NALF1: variants seen among roughly 807,000 people sequenced by gnomAD.
The protein encoded by NALF1 is NALCN channel auxiliary factor 1.
In NALF1, 3 loss-of-function variants were observed where a neutral mutation model predicts 48.4. The observed-to-expected ratio is 0.06, with a 90% CI of 0.03 to 0.16. The LOEUF (loss-of-function observed/expected upper bound fraction) is 0.16. Ranked by LOEUF, NALF1 falls within the 10% of genes least tolerant of loss-of-function variation. NALF1 has a pLI of 1.00. For missense variants in NALF1, 526 were observed against 571.5 expected (o/e 0.92, Z 0.81); for synonymous variants, 262 against 245.7 (o/e 1.07, Z -0.62).
At chr13:107,688,190 C>T (rs1483164233) in intron 1 of NALF1, among the ~76,000 whole-genome samples, 1 of 152,078 alleles carries the variant, frequency 6.6e-6, no homozygotes, top group East Asian at 1.9e-4. Context: ...TTATTATGTG[C>T]ACTTTATGGC....
At chr13:107,411,609 T>C (rs1215195394) in intron 1 of NALF1, among the ~76,000 whole-genome samples, 1 of 152,138 alleles carries the variant, frequency 6.6e-6, no homozygotes. Flanking sequence ...TGTCGTACTC[T>C]TCACCATGCT....
intron 1 of NALF1, among the ~76,000 whole-genome samples, chr13:107,801,829 C>G (rs1479792252): frequency 6.6e-6 from 1 of 151,928 alleles, no homozygotes; most frequent in Non-Finnish European, 1.5e-5. Flanking sequence ...TCCGAGTCGC[C>G]TTCTTCCTTC....
chr13:107,220,453 A>G (rs962898578), intron 1 of NALF1, among the ~76,000 whole-genome samples: 2 of 152,232 alleles, frequency 1.3e-5, no homozygotes, highest in African/African-American at 4.8e-5. Flanking sequence ...AAAAAGTCAG[A>G]GTGAACACTT....
chr13:107,726,309 G>C (rs914861440), intron 1 of NALF1, among the ~76,000 whole-genome samples: 2 of 152,164 alleles, frequency 1.3e-5, no homozygotes, highest in Non-Finnish European at 2.9e-5. Context: ...ACAAGATGAA[G>C]TGGGACTTAC....
chr13:107,314,545 T>A (rs1399742501), intron 1 of NALF1, among the ~76,000 whole-genome samples: 1 of 152,154 alleles, frequency 6.6e-6, no homozygotes, highest in African/African-American at 2.4e-5. Context: ...TCCTCATACA[T>A]GACCCTCCCT....
chr13:107,386,840 T>C (rs1238373675), intron 1 of NALF1, among the ~76,000 whole-genome samples: 2 of 152,158 alleles, frequency 1.3e-5, no homozygotes, highest in Non-Finnish European at 2.9e-5. Flanking sequence ...TTATATAAGA[T>C]GATGGATATT....
At chr13:107,546,545 CA>C (rs1175101613) in intron 1 of NALF1, among the ~76,000 whole-genome samples, 1 of 152,070 alleles carries the variant, frequency 6.6e-6, no homozygotes, top group African/African-American at 2.4e-5. Context: ...TTCCAGGGGG[CA>C]AAAGAGCTCG....
chr13:107,354,564 C>T (rs2138948257), intron 1 of NALF1, among the ~76,000 whole-genome samples: 1 of 152,222 alleles, frequency 6.6e-6, no homozygotes, highest in Non-Finnish European at 1.5e-5. Context: ...ACCAGGTCCG[C>T]CCCCGAACAA....
intron 1 of NALF1, among the ~76,000 whole-genome samples, chr13:107,480,606 G>C (rs1283424058): frequency 6.6e-6 from 1 of 152,058 alleles, no homozygotes; most frequent in African/African-American, 2.4e-5. Context: ...CCCCCAAAAA[G>C]TCTCATAATG....
chr13:107,222,601 C>T (rs757192157), intron 1 of NALF1, among the ~76,000 whole-genome samples: 11 of 152,184 alleles, frequency 7.2e-5, no homozygotes, highest in East Asian at 1.9e-4. Context: ...AGTTAAACAG[C>T]GATTGTCAAC....
intron 1 of NALF1, among the ~76,000 whole-genome samples, chr13:107,786,773 T>C (rs1878087886): frequency 6.6e-6 from 1 of 152,090 alleles, no homozygotes; most frequent in Non-Finnish European, 1.5e-5. Flanking sequence ...AGAGAATATA[T>C]GCCTGACCTC....
chr13:107,380,429 A>T (rs968504008), intron 1 of NALF1, among the ~76,000 whole-genome samples: 1 of 152,148 alleles, frequency 6.6e-6, no homozygotes, highest in African/African-American at 2.4e-5. Flanking sequence ...CGCTTTAACC[A>T]AGGAAATATA....
intron 1 of NALF1, among the ~76,000 whole-genome samples, chr13:107,277,777 G>C (rs1041906013): frequency 6.6e-6 from 1 of 152,312 alleles, no homozygotes; most frequent in East Asian, 1.9e-4. Context: ...ATCAGTGAGA[G>C]AGTTTAAGGA....
In NALF1 at chr13:107,292,992, C is replaced by CTTT. The variant is rs55786928; in HGVS notation, c.916-82240_916-82238dup. ...CAGCTCCGTTATAGTTTTTCTTTTT[C>CTTT]TTTTTTTTTTTTTTTTTGAGCTCTG... On this transcript the variant is annotated intron_variant, in intron 1 of 2. Coordinates refer to ENST00000375915, the MANE Select transcript of NALF1 (RefSeq NM_001080396.3). 3.9e-4 allele frequency among the ~76,000 whole-genome samples: 43 copies of CTTT among 110,628 alleles called. No homozygotes were observed. The East Asian group carries it at 9.9e-3, about 25-fold the overall frequency. The allele number at this position is 110,628 out of a possible 152,430, so 72.6% of individuals were successfully genotyped here. A position where few individuals can be genotyped will look rare whatever the true frequency, so the allele number is the denominator to read the frequency against.
At chr13:107,209,221 C>G (rs747113082) in intron 2 of NALF1, among the ~76,000 whole-genome samples, 8 of 152,140 alleles carry the variant, frequency 5.3e-5, no homozygotes, top group Non-Finnish European at 1.2e-4. Context: ...AAATACTAAT[C>G]CAGGCTGGGC....
chr13:107,382,171 G>T (rs548707064), intron 1 of NALF1, among the ~76,000 whole-genome samples: 1 of 152,206 alleles, frequency 6.6e-6, no homozygotes, highest in Non-Finnish European at 1.5e-5. Flanking sequence ...AACATTTGCT[G>T]CACACAAGTG....
intron 1 of NALF1, among the ~76,000 whole-genome samples, chr13:107,494,497 A>G (rs1368981776): frequency 6.6e-6 from 1 of 152,194 alleles, no homozygotes; most frequent in African/African-American, 2.4e-5. Context: ...CGGTCTATCC[A>G]TGGTTGCCTG....
chr13:107,502,512 T>C (rs1312830026), intron 1 of NALF1, among the ~76,000 whole-genome samples: 3 of 152,166 alleles, frequency 2.0e-5, no homozygotes, highest in Non-Finnish European at 4.4e-5. Context: ...TATACCTCCA[T>C]GGAAACCACC....
chr13:107,173,171 T>C (rs1878841100), intron 2 of NALF1, among the ~76,000 whole-genome samples: 1 of 152,230 alleles, frequency 6.6e-6, no homozygotes, highest in Admixed American at 6.5e-5. Flanking sequence ...TTTCTGAGAA[T>C]AACATGTTTT....
Sources: allele counts gnomAD v4.1 joint callset (sites outside exome capture counted in the v4.1 genomes callset), GRCh38; gene constraint gnomAD v4.1.1; transcripts MANE v1.5; gene names NCBI Gene and HGNC (gene_info 2026-07-23, HGNC 2026-07-21).